Variants in RERE observed in about 807,000 individuals in gnomAD.
The protein encoded by RERE is arginine-glutamic acid dipeptide repeats.
Under a neutral mutation model 146.1 loss-of-function variants are expected in RERE, and 40 were observed. That is an observed-to-expected ratio of 0.27 (90% CI 0.21 to 0.36). The LOEUF is 0.36. RERE is among the 10% of genes least tolerant of loss of function. RERE has a pLI of 1.00. For missense variants in RERE, 1,933 were observed against 2,138.7 expected (o/e 0.90, Z 1.90); for synonymous variants, 1,003 against 866.0 (o/e 1.16, Z -2.78).
chr1:8,440,930 A>G (rs1327948037), intron 11 of RERE, among the ~76,000 whole-genome samples: 1 of 141,270 alleles, frequency 7.1e-6, no homozygotes, highest in African/African-American at 2.7e-5. Flanking sequence ...CCAGAGTAAT[A>G]TAACTGCTCT....
chr1:8,532,922 AGGGTTTC>A (rs1557675956), intron 7 of RERE, among the ~76,000 whole-genome samples: 2 of 151,894 alleles, frequency 1.3e-5, no homozygotes, highest in African/African-American at 4.8e-5. Flanking sequence ...TAGTAGAGAC[AGGGTTTC>A]ACCATATTGA....
intron 7 of RERE, among the ~76,000 whole-genome samples, chr1:8,535,702 CATA>C (rs1488779585): frequency 1.3e-5 from 2 of 152,152 alleles, no homozygotes; most frequent in African/African-American, 2.4e-5. Context: ...TGCTCCTGAA[CATA>C]ATGATAGTAA....
chr1:8,781,915 C>T (rs1459985659), intron 1 of RERE, among the ~76,000 whole-genome samples: 1 of 152,028 alleles, frequency 6.6e-6, no homozygotes, highest in East Asian at 1.9e-4. Context: ...TTTTAAATTG[C>T]AGGTTCACAG....
At chr1:8,424,443 T>G (rs1643978482) in intron 11 of RERE, among the ~76,000 whole-genome samples, 1 of 152,240 alleles carries the variant, frequency 6.6e-6, no homozygotes, top group Admixed American at 6.5e-5. Flanking sequence ...TTTTTGAATT[T>G]CACCCTTGCT....
intron 4 of RERE, among the ~76,000 whole-genome samples, chr1:8,607,419 A>G (rs1384160605): frequency 6.6e-6 from 1 of 151,338 alleles, no homozygotes; most frequent in Non-Finnish European, 1.5e-5. Context: ...CTAAAAACAA[A>G]GTTAGAATAA....
At chr1:8,579,227 T>C (rs1303275951) in intron 4 of RERE, among the ~76,000 whole-genome samples, 1 of 151,512 alleles carries the variant, frequency 6.6e-6, no homozygotes. Flanking sequence ...TGATGATCTT[T>C]AAAACAAGAA....
intron 6 of RERE, among the ~76,000 whole-genome samples, chr1:8,554,597 T>C (rs1645981583): frequency 6.8e-6 from 1 of 146,902 alleles, no homozygotes; most frequent in Non-Finnish European, 1.5e-5. Flanking sequence ...TAGGATTGCC[T>C]GAGCCCAGGA....
At chr1:8,743,288 C>CTTT (rs559839557) in intron 1 of RERE, among the ~76,000 whole-genome samples, 1 of 151,624 alleles carries the variant, frequency 6.6e-6, no homozygotes, top group African/African-American at 2.4e-5. Context: ...GTCCTATCTT[C>CTTT]TTTTTTTTGA....
intron 6 of RERE, among the ~76,000 whole-genome samples, chr1:8,550,016 T>C (rs1374492578): frequency 1.3e-5 from 2 of 152,194 alleles, no homozygotes; most frequent in Non-Finnish European, 2.9e-5. Flanking sequence ...AACGAGGACA[T>C]TGCTGAAAAT....
chr1:8,769,389 G>A (rs1207833900), intron 1 of RERE, among the ~76,000 whole-genome samples: 4 of 152,168 alleles, frequency 2.6e-5, no homozygotes, highest in Middle Eastern at 3.2e-3. Flanking sequence ...ATAGGCAGAT[G>A]CCTAATTCAG....
At position 8,355,577 on chromosome 1, in the gene RERE, C is replaced by T. The variant is rs1380610451; in HGVS notation, c.4509G>A (p.Leu1503=). The change falls in exon 22 of 23, where the codon CTG becomes CTA. Residue 1503 remains leucine (L), a synonymous_variant. Coordinates refer to ENST00000400908, the MANE Select transcript of RERE (RefSeq NM_001042681.2). ...ACATGGGGGGTGGGATGGCCCCAGG[C>T]AGGTCACGGGGGTAGGGGGTGCCTG... ...PVFGTPYPRD[L]PGAIPPPMSA... 6.3e-7 allele frequency: 1 copy of T among 1,593,652 alleles called. No homozygotes were observed. Among genetic ancestry groups the T allele is most frequent in the South Asian group, 1.1e-5 (1 of 89,088 alleles).
In RERE at chr1:8,802,902, T is replaced by A. The variant is rs190492813; in HGVS notation, c.-145+14258A>T. ...TGCAACAAACGCTATGTAAGAAAAG[T>A]ACGAAAGGTAAGATCCTTCCCTCTC... On this transcript the variant is annotated intron_variant, in intron 1 of 22. Coordinates refer to ENST00000400908, the MANE Select transcript of RERE (RefSeq NM_001042681.2). Among the ~76,000 whole-genome samples the A allele has an allele frequency of 2.6e-5, 4 of 152,266 alleles. No individual in the cohort carries two copies. In the East Asian group the frequency reaches 7.7e-4, roughly 29 times the overall value.
chr1:8,600,750 C>CTTTT (rs59816060), intron 4 of RERE, among the ~76,000 whole-genome samples: 1 of 113,446 alleles, frequency 8.8e-6, no homozygotes. Flanking sequence ...CAAGCCAATA[C>CTTTT]TTTTTTTTTT....
chr1:8,772,322 T>C (rs763757736), intron 1 of RERE, among the ~76,000 whole-genome samples: 2 of 152,166 alleles, frequency 1.3e-5, no homozygotes, highest in Non-Finnish European at 2.9e-5. Context: ...AAATTCTGTT[T>C]TACTTTATCC....
chr1:8,734,823 C>T (rs1466871646), intron 1 of RERE, among the ~76,000 whole-genome samples: 1 of 152,110 alleles, frequency 6.6e-6, no homozygotes, highest in Admixed American at 6.6e-5. Context: ...GCTTTTGCAC[C>T]TTAGAAAAGG....
chr1:8,364,056 C>T lies in RERE; in HGVS notation c.1740G>A (p.Ser580=). The change falls in exon 15 of 23, where the codon TCG becomes TCA. Residue 580 remains serine (S), a splice_region_variant and synonymous_variant. Transcript: ENST00000400908. This position sits in a 1 kb window ranked among gnomAD's most constrained non-coding sequence, Gnocchi z 5.1. ...AGCCCCATGGCCCCAGGGGACTCACCGAGCCCCGACTCCGCCGTGTCCTCA... is the reference window on the plus strand; with the variant it reads ...AGCCCCATGGCCCCAGGGGACTCACTGAGCCCCGACTCCGCCGTGTCCTCA... ...HSMRTRRSRG[S]MSTLRSGRKK... is the part of the protein sequence containing the mutation. 6.2e-7 allele frequency: 1 copy of T among 1,613,614 alleles called. No homozygotes were observed. The highest frequency in any genetic ancestry group is 8.5e-7 in the Non-Finnish European group (1 of 1,179,646).
intron 11 of RERE, among the ~76,000 whole-genome samples, chr1:8,443,459 G>GAAAAAAAAAAAAAAAAAAA (rs144499944): frequency 8.9e-6 from 1 of 112,776 alleles, no homozygotes; most frequent in African/African-American, 3.3e-5. Flanking sequence ...CTCAAAAAAA[G>GAAAAAAAAAAAAAAAAAAA]AAAAAAAAAA....
At chr1:8,530,982 C>T (rs1246391425) in intron 7 of RERE, among the ~76,000 whole-genome samples, 3 of 152,004 alleles carry the variant, frequency 2.0e-5, no homozygotes, top group African/African-American at 7.3e-5. Flanking sequence ...TGAGCCACCG[C>T]GCCCGGCCTG....
intron 1 of RERE, among the ~76,000 whole-genome samples, chr1:8,718,805 T>C (rs1181814189): frequency 6.6e-6 from 1 of 152,198 alleles, no homozygotes; most frequent in African/African-American, 2.4e-5. Context: ...CTATACAATG[T>C]GGTTAATAAC....
Sources: allele counts gnomAD v4.1 joint callset (sites outside exome capture counted in the v4.1 genomes callset), GRCh38; gene constraint gnomAD v4.1.1; non-coding constraint Gnocchi (gnomAD v3.1); transcripts MANE v1.5; gene names NCBI Gene and HGNC (gene_info 2026-07-23, HGNC 2026-07-21).